Variants in CFAP299 observed in about 807,000 individuals in gnomAD.
CFAP299 encodes cilia and flagella associated protein 299.
A neutral mutation model predicts 27.0 loss-of-function variants in CFAP299; 21 were observed. That is an observed-to-expected ratio of 0.78 (90% CI 0.55 to 1.12). The LOEUF is 1.12. Ranked by LOEUF, CFAP299 falls within the 50% of genes most tolerant of loss-of-function variation. The pLI, the probability that CFAP299 is intolerant of heterozygous loss-of-function variation, is 0.00. For synonymous variants in CFAP299, 104 were observed against 98.1 expected (o/e 1.06, Z -0.36); for missense variants, 310 against 276.6 (o/e 1.12, Z -0.86).
chr4:80,575,997 G>A (rs1289533742), intron 2 of CFAP299, among the ~76,000 whole-genome samples: 2 of 151,640 alleles, frequency 1.3e-5, no homozygotes, highest in Non-Finnish European at 2.9e-5. Context: ...GGAACACTTG[G>A]ACACAGGAAG....
At chr4:80,441,243 C>T (rs1728342015) in intron 2 of CFAP299, among the ~76,000 whole-genome samples, 1 of 152,152 alleles carries the variant, frequency 6.6e-6, no homozygotes, top group Non-Finnish European at 1.5e-5. Context: ...AACCCCAAGA[C>T]ACACAATTGT....
intron 2 of CFAP299, among the ~76,000 whole-genome samples, chr4:80,398,387 C>G (rs532494397): frequency 6.6e-6 from 1 of 152,254 alleles, no homozygotes; most frequent in Non-Finnish European, 1.5e-5. Context: ...CAATTCAATC[C>G]TAAGCCAAAA....
intron 4 of CFAP299, chr4:80,871,698 A>AG (rs1733106405): frequency 2.2e-6 from 2 of 929,218 alleles, no homozygotes; most frequent in Non-Finnish European, 2.6e-6. Context: ...TTGTTTTGTT[A>AG]AAGCAAATTT....
At chr4:80,650,705 C>T (rs1191869288) in intron 3 of CFAP299, among the ~76,000 whole-genome samples, 54 of 152,140 alleles carry the variant, frequency 3.5e-4, no homozygotes, top group Non-Finnish European at 8.8e-5. Context: ...AATTTGTATG[C>T]TGCTTTCTCT....
At chr4:80,501,108 G>A (rs1731719034) in intron 2 of CFAP299, among the ~76,000 whole-genome samples, 1 of 152,048 alleles carries the variant, frequency 6.6e-6, no homozygotes, top group Non-Finnish European at 1.5e-5. Flanking sequence ...AGATAATACA[G>A]ATCAAGGCAT....
chr4:80,418,076 G>C (rs1393790478), intron 2 of CFAP299, among the ~76,000 whole-genome samples: 2 of 152,156 alleles, frequency 1.3e-5, no homozygotes, highest in Non-Finnish European at 2.9e-5. Flanking sequence ...AGTGGACAAA[G>C]CCAGATATGT....
At chr4:80,609,347 T>C (rs538215338) in intron 3 of CFAP299, among the ~76,000 whole-genome samples, 94 of 152,190 alleles carry the variant, frequency 6.2e-4, no homozygotes, top group Non-Finnish European at 9.3e-4. Flanking sequence ...TCTTGATAAC[T>C]ATGTCATGCT....
chr4:80,474,613 G>T (rs1023312641), intron 2 of CFAP299, among the ~76,000 whole-genome samples: 3 of 152,124 alleles, frequency 2.0e-5, no homozygotes, highest in Non-Finnish European at 2.9e-5. Context: ...GATGGGTAAG[G>T]TTAGAAATAT....
chr4:80,860,327 A>G lies in CFAP299; in HGVS notation c.334-9666A>G, dbSNP rs967736709. Among the ~76,000 whole-genome samples the G allele has an allele frequency of 7.2e-5, 11 of 152,102 alleles. No individual in the cohort carries two copies. In the East Asian group the frequency reaches 2.1e-3, roughly 29 times the overall value. On this transcript the variant is annotated intron_variant, in intron 3 of 5. Transcript: ENST00000358105. ...ATACATTCGTCTAAATTTTTTTCAAAGTTTTTAACTTCTTTGCCTTTGGTT... is the reference window on the plus strand; with the variant it reads ...ATACATTCGTCTAAATTTTTTTCAAGGTTTTTAACTTCTTTGCCTTTGGTT...
intron 2 of CFAP299, among the ~76,000 whole-genome samples, chr4:80,540,668 A>T (rs2110198377): frequency 6.6e-6 from 1 of 152,340 alleles, no homozygotes; most frequent in East Asian, 1.9e-4. Flanking sequence ...GTTTCTACAC[A>T]TGGATAGCAA....
At chr4:80,413,469 C>T (rs1726834733) in intron 2 of CFAP299, among the ~76,000 whole-genome samples, 1 of 152,146 alleles carries the variant, frequency 6.6e-6, no homozygotes, top group Non-Finnish European at 1.5e-5. Context: ...TTTAATGAAG[C>T]CCTATTGGTA....
At chr4:80,578,198 G>C (rs1288293353) in intron 2 of CFAP299, among the ~76,000 whole-genome samples, 4 of 152,162 alleles carry the variant, frequency 2.6e-5, no homozygotes, top group Non-Finnish European at 5.9e-5. Flanking sequence ...ACTTCTTGAG[G>C]AAGTAACTGC....
chr4:80,868,905 C>CTCTCTCTCTGTGTG (rs1435285713), intron 3 of CFAP299, among the ~76,000 whole-genome samples: 9 of 137,680 alleles, frequency 6.5e-5, no homozygotes, highest in Non-Finnish European at 1.1e-4. Flanking sequence ...GCTTCTCTCT[C>CTCTCTCTCTGTGTG]TGTGTGTGTG....
intron 3 of CFAP299, among the ~76,000 whole-genome samples, chr4:80,694,744 A>T (rs1283020975): frequency 6.6e-6 from 1 of 152,174 alleles, no homozygotes; most frequent in East Asian, 1.9e-4. Flanking sequence ...TTCAATTCTT[A>T]GGATGTTTCA....
intron 2 of CFAP299, chr4:80,386,084 G>A (rs545171045): frequency 2.0e-5 from 9 of 441,144 alleles, no homozygotes; most frequent in African/African-American, 9.9e-5. Context: ...TCGATGGCTC[G>A]CTTCCACTGG....
intron 3 of CFAP299, among the ~76,000 whole-genome samples, chr4:80,809,614 C>G (rs1430101986): frequency 1.3e-5 from 2 of 152,056 alleles, no homozygotes; most frequent in African/African-American, 4.8e-5. Flanking sequence ...GCTGCAGAAG[C>G]CTCAAATCCA....
intron 3 of CFAP299, among the ~76,000 whole-genome samples, chr4:80,732,062 GACACACAGACACACACACAC>G (rs1723559691): frequency 7.2e-6 from 1 of 139,358 alleles, no homozygotes; most frequent in Admixed American, 6.9e-5. Context: ...CAGACACACA[GACACACAGACACACACACAC>G]ACACACACAC....
chr4:80,861,357 G>A (rs149143753), intron 3 of CFAP299, among the ~76,000 whole-genome samples: 1,930 of 152,222 alleles, frequency 0.013, 29 homozygotes, highest in South Asian at 0.068. Flanking sequence ...GACCCCTTGC[G>A]CTTCCCAAGT....
rs1578170187 is a variant in CFAP299, at chr4:80,837,958, C to T, written c.334-32035C>T. On this transcript the variant is annotated intron_variant, in intron 3 of 5. Transcript: ENST00000358105. ...TTGTTTCCTGACTTTTTAATGATTGCCATTCTAACTGGCATAAAATGGTAT... is the reference window on the plus strand; with the variant it reads ...TTGTTTCCTGACTTTTTAATGATTGTCATTCTAACTGGCATAAAATGGTAT... Among the ~76,000 whole-genome samples the T allele has an allele frequency of 4.6e-5, 7 of 152,274 alleles. No individual in the cohort carries two copies. The South Asian group carries it at 6.2e-4, about 14-fold the overall frequency.
Sources: gnomAD v4.1 joint callset for allele counts (sites outside exome capture counted in the v4.1 genomes callset) on GRCh38, gnomAD v4.1.1 for gene constraint, MANE v1.5 for transcripts, NCBI Gene and HGNC (gene_info 2026-07-23, HGNC 2026-07-21) for gene names.